Variants in EPB41L4A observed in about 807,000 individuals in gnomAD.
The protein encoded by EPB41L4A is band 4.1-like protein 4A.
In EPB41L4A, 100 loss-of-function variants were observed where a neutral mutation model predicts 108.6. That is an observed-to-expected ratio of 0.92 (90% confidence interval 0.78 to 1.09). The LOEUF (loss-of-function observed/expected upper bound fraction) is 1.09, where lower values mean the gene tolerates loss of function less well. Among genes scored for constraint, EPB41L4A ranks in the 50% least tolerant of loss-of-function variants. The pLI is 0.00. For synonymous variants in EPB41L4A, 319 were observed against 289.0 expected (o/e 1.10, Z -1.05); for missense variants, 1,030 against 842.7 (o/e 1.22, Z -2.75).
At position 112,209,893 on chromosome 5, in the gene EPB41L4A, T is replaced by C. The variant is rs748252537; in HGVS notation, c.1177A>G (p.Ser393Gly). 1.9e-6 allele frequency: 3 copies of C among 1,590,154 alleles called. No homozygotes were observed. The highest frequency in any genetic ancestry group is 1.9e-4 in the Middle Eastern group (1 of 5,158). ...GTTTCTTCAGTTAACTTCACTGACCTTTTTACTGGTGAAGGTGCAATAATT... is the reference window on the plus strand; with the variant it reads ...GTTTCTTCAGTTAACTTCACTGACCCTTTTACTGGTGAAGGTGCAATAATT... ...IKIIAPSPVK[S>G]FKKAKNENSP... Residue 393 changes from serine to glycine, a missense_variant and splice_region_variant, in exon 13 of 23, where the codon AGC becomes GGC. Transcript: ENST00000261486.
intron 1 of EPB41L4A, among the ~76,000 whole-genome samples, chr5:112,317,358 T>C (rs910919786): frequency 7.2e-5 from 11 of 152,202 alleles, no homozygotes; most frequent in African/African-American, 2.7e-4. Context: ...AAACTTGTCA[T>C]TTTTTATTCC....
intron 17 of EPB41L4A, among the ~76,000 whole-genome samples, chr5:112,185,911 A>G (rs1761403734): frequency 6.6e-6 from 1 of 152,108 alleles, no homozygotes; most frequent in Admixed American, 6.5e-5. Flanking sequence ...TGTTCATGTG[A>G]CAGTCAGAAA....
intron 1 of EPB41L4A, among the ~76,000 whole-genome samples, chr5:112,319,530 C>CCAACAACAGCAAAAAATA (rs1755635422): frequency 6.6e-6 from 1 of 151,982 alleles, no homozygotes; most frequent in Non-Finnish European, 1.5e-5. Context: ...AAAGGATGAA[C>CCAACAACAGCAAAAAATA]CAACAACAGC....
intron 12 of EPB41L4A, among the ~76,000 whole-genome samples, chr5:112,156,697 A>T (rs1285636701): frequency 2.0e-5 from 3 of 152,222 alleles, no homozygotes; most frequent in Non-Finnish European, 4.4e-5. Context: ...ACTATCACAC[A>T]TACCATTTTC....
At chr5:112,234,184 T>TTAAAA (rs60528061) in intron 12 of EPB41L4A, among the ~76,000 whole-genome samples, 9,151 of 145,452 alleles carry the variant, frequency 0.063, 390 homozygotes, top group Non-Finnish European at 0.098. Flanking sequence ...ATAAATAAAA[T>TTAAAA]TAAAATAAAA....
chr5:112,367,996 A>G (rs1411031087), intron 1 of EPB41L4A, among the ~76,000 whole-genome samples: 1 of 152,242 alleles, frequency 6.6e-6, no homozygotes, highest in Non-Finnish European at 1.5e-5. Flanking sequence ...ATTTTTATAA[A>G]AAGAAGGTGA....
At chr5:112,368,896 A>C (rs1387433948) in intron 1 of EPB41L4A, among the ~76,000 whole-genome samples, 2 of 149,882 alleles carry the variant, frequency 1.3e-5, no homozygotes, top group Non-Finnish European at 1.5e-5. Flanking sequence ...CTGCCTTCTC[A>C]CTCCTCTGTC....
intron 2 of EPB41L4A, among the ~76,000 whole-genome samples, chr5:112,291,531 T>C (rs1464853848): frequency 6.6e-6 from 1 of 152,218 alleles, no homozygotes; most frequent in African/African-American, 2.4e-5. Context: ...AAAGTCTCTC[T>C]CCTGCCCTCC....
Position 112,232,992 on chromosome 5 carries a change from T to C in EPB41L4A, c.1087+1642A>G, listed in dbSNP as rs1263145737. Among the ~76,000 whole-genome samples the C allele has an allele frequency of 2.0e-5, 3 of 152,128 alleles. No individual in the cohort carries two copies. In the East Asian group the frequency reaches 5.8e-4, roughly 29 times the overall value. On this transcript the variant is annotated intron_variant, in intron 12 of 22. Transcript: ENST00000261486. ...TTCTGTGAGCAATGAGCACTGAACA[T>C]GGATTAAAGCTGCTTGATTAGGTGG...
intron 7 of EPB41L4A, among the ~76,000 whole-genome samples, chr5:112,260,335 G>T (rs1431767471): frequency 6.6e-6 from 1 of 152,146 alleles, no homozygotes; most frequent in East Asian, 1.9e-4. Flanking sequence ...TGATGCCTGG[G>T]CACTACCAGA....
chr5:112,345,531 G>A (rs1757582862), intron 1 of EPB41L4A, among the ~76,000 whole-genome samples: 1 of 151,800 alleles, frequency 6.6e-6, no homozygotes, highest in South Asian at 2.1e-4. Flanking sequence ...GTTGTCCCTG[G>A]GTACTGAGAT....
At chr5:112,413,939 G>A (rs540886942) in intron 1 of EPB41L4A, among the ~76,000 whole-genome samples, 53 of 152,264 alleles carry the variant, frequency 3.5e-4, no homozygotes, top group African/African-American at 1.2e-3. Context: ...AAGGAGAAGA[G>A]GAGGAAAGGT....
chr5:112,281,905 A>C (rs1752987576), intron 2 of EPB41L4A, among the ~76,000 whole-genome samples: 1 of 152,190 alleles, frequency 6.6e-6, no homozygotes, highest in Admixed American at 6.5e-5. Context: ...TGCATATATA[A>C]GCTTCATTAT....
chr5:112,288,595 C>G (rs1753437131), intron 2 of EPB41L4A, among the ~76,000 whole-genome samples: 1 of 152,130 alleles, frequency 6.6e-6, no homozygotes, highest in Non-Finnish European at 1.5e-5. Context: ...GGCTAGATTT[C>G]AAAACTAGTA....
intron 11 of EPB41L4A, among the ~76,000 whole-genome samples, chr5:112,237,657 C>T (rs759573818): frequency 5.9e-5 from 9 of 152,084 alleles, no homozygotes; most frequent in African/African-American, 1.7e-4. Context: ...AGGATGTCTC[C>T]GGAATGTCTC....
intron 1 of EPB41L4A, among the ~76,000 whole-genome samples, chr5:112,334,348 A>G (rs1200013465): frequency 1.3e-5 from 2 of 151,742 alleles, no homozygotes; most frequent in African/African-American, 4.8e-5. Flanking sequence ...TCTGTGTAGA[A>G]TCTCTTTCCC....
intron 4 of EPB41L4A, among the ~76,000 whole-genome samples, chr5:112,274,675 G>A (rs1034460938): frequency 2.0e-5 from 3 of 152,176 alleles, no homozygotes; most frequent in African/African-American, 7.2e-5. Flanking sequence ...ACCACATGCA[G>A]CTAGGTCACC....
rs556285179 is a variant in EPB41L4A at position 112,215,213 on chromosome 5, A to G, written c.1088-5231T>C. On this transcript the variant is annotated intron_variant, in intron 12 of 22. Transcript: ENST00000261486. ...GGTGGTACCTGAGACGCATGTCAAA[A>G]GGACATGCGGCAATATACCTTGCAG... Among the ~76,000 whole-genome samples, 14 of 152,358 alleles carry G rather than the reference A, an allele frequency of 9.2e-5. No homozygotes were observed. The South Asian group carries it at 2.7e-3, about 29-fold the overall frequency.
intron 1 of EPB41L4A, among the ~76,000 whole-genome samples, chr5:112,319,989 C>G (rs1188660917): frequency 6.6e-6 from 1 of 152,174 alleles, no homozygotes; most frequent in Non-Finnish European, 1.5e-5. Flanking sequence ...TGTGGTAAAA[C>G]GTAAGCAACT....
Sources: gnomAD v4.1 joint callset for allele counts (sites outside exome capture counted in the v4.1 genomes callset) on GRCh38, gnomAD v4.1.1 for gene constraint, MANE v1.5 for transcripts, NCBI Gene and HGNC (gene_info 2026-07-23, HGNC 2026-07-21) for gene names.